RHBDD1: variants seen among roughly 807,000 people sequenced by gnomAD.
RHBDD1 encodes the protein rhomboid domain containing 1.
A neutral mutation model predicts 36.3 loss-of-function variants in RHBDD1; 38 were observed. That is an observed-to-expected ratio of 1.05 (90% CI 0.81 to 1.37). RHBDD1 has a LOEUF of 1.37. RHBDD1 is among the 40% of genes most tolerant of loss of function. The pLI is 0.00. For synonymous variants in RHBDD1, 151 were observed against 136.5 expected (o/e 1.11, Z -0.74); for missense variants, 393 against 377.6 (o/e 1.04, Z -0.34).
At chr2:226,981,710 G>C (rs1955809992) in intron 8 of RHBDD1, among the ~76,000 whole-genome samples, 1 of 152,168 alleles carries the variant, frequency 6.6e-6, no homozygotes. Flanking sequence ...ACAGAAACAG[G>C]CGTGGTTTTA....
the RHBDD1 span, among the ~76,000 whole-genome samples, chr2:226,826,114 A>T: frequency 6.6e-6 from 1 of 152,210 alleles, no homozygotes; most frequent in African/African-American, 2.4e-5. Context: ...GATCTGGCTT[A>T]TTTATCTACT....
chr2:226,839,348 T>A (rs1447812625), intron 2 of RHBDD1, 61 bp from the exon 3 acceptor site: 1 of 152,172 alleles, frequency 6.6e-6, no homozygotes, highest in Non-Finnish European at 1.5e-5. Flanking sequence ...AAAAGGTAGA[T>A]TTCCTTTTAT....
chr2:226,974,752 T>A (rs1471586839), intron 8 of RHBDD1, among the ~76,000 whole-genome samples: 1 of 152,142 alleles, frequency 6.6e-6, no homozygotes, highest in East Asian at 1.9e-4. Context: ...GGGTGGATAC[T>A]CCCTGCAGGC....
At chr2:226,830,960 C>T (rs540752178), upstream of RHBDD1, among the ~76,000 whole-genome samples, 3 of 152,312 alleles carry the variant, frequency 2.0e-5, no homozygotes, top group African/African-American at 7.2e-5. Flanking sequence ...TGAGCCACTG[C>T]ACCTGGCCTT....
chr2:226,971,143 A>G (rs1953412394), intron 8 of RHBDD1, among the ~76,000 whole-genome samples: 1 of 152,190 alleles, frequency 6.6e-6, no homozygotes, highest in Non-Finnish European at 1.5e-5. Flanking sequence ...GGCCTTTAAA[A>G]AACTCACCCT....
At chr2:226,862,351 G>A (rs1484519331) in intron 3 of RHBDD1, among the ~76,000 whole-genome samples, 2 of 146,608 alleles carry the variant, frequency 1.4e-5, no homozygotes, top group Non-Finnish European at 3.0e-5. Context: ...GGAGAATCCT[G>A]CCTTTTTTTT....
chr2:226,903,463 G>A (rs1285892486), intron 5 of RHBDD1, among the ~76,000 whole-genome samples: 1 of 152,136 alleles, frequency 6.6e-6, no homozygotes, highest in East Asian at 1.9e-4. Context: ...GAAAAGCATA[G>A]TATATATAAG....
chr2:226,966,406 G>T (rs1033545186), intron 8 of RHBDD1, among the ~76,000 whole-genome samples: 1 of 152,204 alleles, frequency 6.6e-6, no homozygotes, highest in African/African-American at 2.4e-5. Context: ...TTCAGTAGAA[G>T]TATCTGCAGT....
At chr2:226,937,439 CTTTTA>C (rs968011857) in intron 8 of RHBDD1, among the ~76,000 whole-genome samples, 6 of 151,590 alleles carry the variant, frequency 4.0e-5, no homozygotes, top group Admixed American at 2.0e-4. Flanking sequence ...CTTTTTTTAA[CTTTTA>C]TTTTAAGTTC....
At chr2:226,841,057 C>T (rs917875384) in intron 3 of RHBDD1, among the ~76,000 whole-genome samples, 3 of 152,102 alleles carry the variant, frequency 2.0e-5, no homozygotes, top group African/African-American at 4.8e-5. Context: ...GCATACTGCC[C>T]ATGTAGTCGC....
chr2:226,824,388 T>TA, the RHBDD1 span, among the ~76,000 whole-genome samples: 3 of 152,100 alleles, frequency 2.0e-5, no homozygotes, highest in African/African-American at 7.2e-5. Context: ...AATTAAATTG[T>TA]AAAAAAATCT....
intron 8 of RHBDD1, among the ~76,000 whole-genome samples, chr2:226,917,717 A>G (rs960180161): frequency 6.6e-6 from 1 of 151,924 alleles, no homozygotes; most frequent in African/African-American, 2.4e-5. Flanking sequence ...CTACACATGT[A>G]TTTTCAGAAT....
chr2:226,858,675 C>A (rs898378877), intron 3 of RHBDD1, among the ~76,000 whole-genome samples: 3 of 152,110 alleles, frequency 2.0e-5, no homozygotes, highest in Non-Finnish European at 4.4e-5. Context: ...TCCTTTCTCT[C>A]CCCCTTGAGA....
chr2:226,880,000 T>C (rs968739172), intron 5 of RHBDD1, among the ~76,000 whole-genome samples: 6 of 152,178 alleles, frequency 3.9e-5, no homozygotes, highest in African/African-American at 1.4e-4. Flanking sequence ...TTTGGTCAAG[T>C]TGAGCACAGG....
intron 5 of RHBDD1, among the ~76,000 whole-genome samples, chr2:226,871,132 AT>A (rs1944766802): frequency 6.6e-6 from 1 of 152,024 alleles, no homozygotes; most frequent in South Asian, 2.1e-4. Context: ...GAAAAAATAT[AT>A]TTTTTACTTG....
At chr2:226,892,840 A>G (rs1198533802) in intron 5 of RHBDD1, among the ~76,000 whole-genome samples, 1 of 152,206 alleles carries the variant, frequency 6.6e-6, no homozygotes, top group African/African-American at 2.4e-5. Flanking sequence ...AAAAATCACT[A>G]AACAGAAAAA....
At chr2:226,917,639 A>C (rs374268220) in intron 8 of RHBDD1, among the ~76,000 whole-genome samples, 1 of 152,128 alleles carries the variant, frequency 6.6e-6, no homozygotes, top group African/African-American at 2.4e-5. Context: ...GTGCTGAATT[A>C]CTTTTGCTAT....
At chr2:226,884,542 G>A (rs1946056184) in intron 5 of RHBDD1, among the ~76,000 whole-genome samples, 1 of 152,042 alleles carries the variant, frequency 6.6e-6, no homozygotes, top group African/African-American at 2.4e-5. Flanking sequence ...TATAACACAT[G>A]GGTCAAATAA....
At chr2:226,864,447 A>G (rs1156301300) in intron 3 of RHBDD1, among the ~76,000 whole-genome samples, 157 bp from the exon 4 acceptor site, 1 of 152,238 alleles carries the variant, frequency 6.6e-6, no homozygotes, top group African/African-American at 2.4e-5. Context: ...GGTGTCAGTC[A>G]GCATCCTCGA....
Sources: gnomAD v4.1 joint callset for allele counts (sites outside exome capture counted in the v4.1 genomes callset) on GRCh38, gnomAD v4.1.1 for gene constraint, MANE v1.5 for transcripts, NCBI Gene and HGNC (gene_info 2026-07-23, HGNC 2026-07-21) for gene names.